SLC6A6: variants seen among roughly 807,000 people sequenced by gnomAD.
The protein encoded by SLC6A6 is sodium- and chloride-dependent taurine transporter.
Under a neutral mutation model 68.8 loss-of-function variants are expected in SLC6A6, and 16 were observed. The ratio of observed to expected loss-of-function variants is 0.23; its 90% CI spans 0.16 to 0.35. The LOEUF (loss-of-function observed/expected upper bound fraction) is 0.35, where lower values mean the gene tolerates loss of function less well. Ranked by LOEUF, SLC6A6 falls within the 10% of genes least tolerant of loss-of-function variation. The pLI is 1.00. For missense variants in SLC6A6, 474 were observed against 802.8 expected (o/e 0.59, Z 4.95); for synonymous variants, 312 against 315.4 (o/e 0.99, Z 0.12).
intron 6 of SLC6A6, among the ~76,000 whole-genome samples, chr3:14,458,370 G>A (rs1000153587): frequency 1.3e-5 from 2 of 152,252 alleles, no homozygotes; most frequent in Admixed American, 6.5e-5. Flanking sequence ...GAGCCTACAC[G>A]AGCTAGCCCC....
chr3:14,439,130 G>A (rs6777336), intron 2 of SLC6A6, among the ~76,000 whole-genome samples: 119,074 of 152,210 alleles, frequency 0.78, 46,956 homozygotes, highest in African/African-American at 0.88. Flanking sequence ...AGCTTTGCTC[G>A]GTGCCGGAGG....
chr3:14,445,787 C>G lies in SLC6A6; in HGVS notation c.300C>G (p.Ile100Met). 6.2e-7 allele frequency: 1 copy of G among 1,614,096 alleles called. No homozygotes were observed. Among genetic ancestry groups the G allele is most frequent in the East Asian group, 2.2e-5 (1 of 44,888 alleles). ...TGCCTGTGTTTTTCTTGGAGATCATCATAGGCCAGTACACCTCTGAAGGGG... is the reference window on the plus strand; with the variant it reads ...TGCCTGTGTTTTTCTTGGAGATCATGATAGGCCAGTACACCTCTGAAGGGG... ...SGLPVFFLEI[I>M]IGQYTSEGGI... Residue 100 changes from isoleucine to methionine, a missense_variant, in exon 4 of 15, where the codon ATC (isoleucine) becomes ATG (methionine). By Grantham distance (10) the Ile-to-Met change is conservative (BLOSUM62 1). Around this residue, in one of 2 missense-constraint regions of SLC6A6, gnomAD observed 280 missense variants for 533.1 expected, o/e 0.53. Coordinates refer to ENST00000622186, the MANE Select transcript of SLC6A6 (RefSeq NM_003043.6).
chr3:14,435,233 C>G (rs1699824991), intron 2 of SLC6A6, among the ~76,000 whole-genome samples: 1 of 152,216 alleles, frequency 6.6e-6, no homozygotes, highest in Admixed American at 6.5e-5. Context: ...CTTCCCCCTT[C>G]TCTGAGCCTC....
At chr3:14,418,997 G>A (rs1699427254) in intron 2 of SLC6A6, among the ~76,000 whole-genome samples, 1 of 152,222 alleles carries the variant, frequency 6.6e-6, no homozygotes, top group Non-Finnish European at 1.5e-5. Flanking sequence ...TGGGAAATGA[G>A]GCTCCTGCTG....
chr3:14,426,856 T>G (rs1699610973), intron 2 of SLC6A6, among the ~76,000 whole-genome samples: 1 of 152,036 alleles, frequency 6.6e-6, no homozygotes, highest in Admixed American at 6.6e-5. Flanking sequence ...CAGGGGAAGG[T>G]GCACCTGAGG....
intron 6 of SLC6A6, among the ~76,000 whole-genome samples, chr3:14,464,458 A>G (rs527823815): frequency 2.0e-5 from 3 of 152,354 alleles, no homozygotes; most frequent in South Asian, 4.1e-4. Context: ...ACGTCACAGC[A>G]TTTGGAACAG....
intron 2 of SLC6A6, among the ~76,000 whole-genome samples, chr3:14,417,083 T>G (rs1699378007): frequency 6.6e-6 from 1 of 152,048 alleles, no homozygotes; most frequent in African/African-American, 2.4e-5. Context: ...CTCCAATCCC[T>G]GCACTTTGGG....
chr3:14,413,062 G>C lies in SLC6A6; in HGVS notation c.-53-3350G>C, dbSNP rs547492258. 3.9e-5 allele frequency among the ~76,000 whole-genome samples: 6 copies of C among 152,326 alleles called. No homozygotes were observed. In the South Asian group the frequency reaches 1.0e-3, roughly 26 times the overall value. On this transcript the variant is annotated intron_variant, in intron 1 of 14. Transcript: ENST00000622186. ...GGATGTAAATCAGGGGAGAGCCCAGGGCTAGCCAGGCTGCTGACAGCAGGG... is the reference window on the plus strand; with the variant it reads ...GGATGTAAATCAGGGGAGAGCCCAGCGCTAGCCAGGCTGCTGACAGCAGGG...
At chr3:14,435,068 C>G (rs1389376449) in intron 2 of SLC6A6, among the ~76,000 whole-genome samples, 1 of 152,246 alleles carries the variant, frequency 6.6e-6, no homozygotes, top group Non-Finnish European at 1.5e-5. Context: ...GTCATCCACT[C>G]TTCCCCAGCA....
intron 1 of SLC6A6, among the ~76,000 whole-genome samples, chr3:14,413,709 G>A (rs554082520): frequency 1.3e-5 from 2 of 151,924 alleles, no homozygotes; most frequent in East Asian, 1.9e-4. Flanking sequence ...GGGGCCGGGG[G>A]TGGGGCTGGG....
At chr3:14,465,285 G>A (rs1700590501) in intron 6 of SLC6A6, among the ~76,000 whole-genome samples, 2 of 152,218 alleles carry the variant, frequency 1.3e-5, no homozygotes, top group Admixed American at 6.5e-5. Context: ...GGAGGAGATG[G>A]CCACATCGTT....
rs1419997343 is a variant in SLC6A6 at position 14,477,491 on chromosome 3, G to C, written c.1347+149G>C. The C allele has an allele frequency of 1.3e-6, 1 of 778,226 alleles. No individual in the cohort carries two copies. Among genetic ancestry groups the C allele is most frequent in the Non-Finnish European group, 2.1e-6 (1 of 481,308 alleles). 48.2% of individuals were successfully genotyped at this position (778,226 alleles called of 1,614,324 possible). ...CAGGGGTCCTGCTTGGACCAACACT[G>C]GGGGTAGCACGAGGGGGCTCAGGAG... On this transcript the variant is annotated intron_variant, in intron 11 of 14. Coordinates refer to ENST00000622186, the MANE Select transcript of SLC6A6 (RefSeq NM_003043.6). The surrounding 1 kb of genome is among the most constrained non-coding windows in gnomAD (Gnocchi z 4.2).
At chr3:14,480,658 A>T (rs1425958667) in intron 13 of SLC6A6, among the ~76,000 whole-genome samples, 1 of 152,228 alleles carries the variant, frequency 6.6e-6, no homozygotes, top group African/African-American at 2.4e-5. Context: ...CTTTAGAAAG[A>T]TGCATCTTCC....
At position 14,443,844 on chromosome 3, in the gene SLC6A6, C is replaced by G; in HGVS notation, c.210C>G (p.Leu70=). 6.2e-7 allele frequency: 1 copy of G among 1,613,336 alleles called. No individual in the cohort carries two copies. The highest frequency in any genetic ancestry group is 1.3e-5 in the African/African-American group (1 of 75,034). The change falls in exon 3 of 15, where the codon CTC becomes CTG. Residue 70 remains leucine, a synonymous_variant. Transcript: ENST00000622186. ...GLGNVWRFPY[L]CYKNGGGAFL... The stretch of plus-strand genomic sequence containing the variant: ...GCAACGTCTGGCGCTTCCCGTACCT[C>G]TGCTACAAGAATGGTGGAGGTGAGC...
chr3:14,462,536 A>G (rs996151117), intron 6 of SLC6A6, among the ~76,000 whole-genome samples: 1 of 152,136 alleles, frequency 6.6e-6, no homozygotes, highest in East Asian at 1.9e-4. Context: ...TGTTTCTACT[A>G]AAAAATACAA....
chr3:14,403,549 G>A (rs1699036767), intron 1 of SLC6A6, among the ~76,000 whole-genome samples: 1 of 152,198 alleles, frequency 6.6e-6, no homozygotes, highest in South Asian at 2.1e-4. Context: ...GCTGAGTGGG[G>A]AGAGGTGATA....
At position 14,485,181 on chromosome 3, in the gene SLC6A6, G is replaced by T; in HGVS notation, c.*174G>T. 3.0e-6 allele frequency: 1 copy of T among 329,928 alleles called. No homozygotes were observed. The highest frequency in any genetic ancestry group is 5.0e-6 in the Non-Finnish European group (1 of 199,974). The allele number at this position is 329,928 out of a possible 1,614,324, so 20.4% of individuals were successfully genotyped here. ...GTGCGTGTGTGTGTGTGTGTGTATC[G>T]TGTGTGTGTGTTTTGTTTTGATTTG... On this transcript the variant is annotated 3_prime_UTR_variant, in exon 15 of 15. Transcript: ENST00000622186.
intron 2 of SLC6A6, among the ~76,000 whole-genome samples, chr3:14,424,914 G>C (rs1699559277): frequency 6.6e-6 from 1 of 152,182 alleles, no homozygotes; most frequent in Non-Finnish European, 1.5e-5. Context: ...GAAGCCGCCT[G>C]TTTGACACAC....
intron 6 of SLC6A6, among the ~76,000 whole-genome samples, chr3:14,464,645 C>T (rs1027301655): frequency 6.6e-6 from 1 of 152,174 alleles, no homozygotes; most frequent in African/African-American, 2.4e-5. Flanking sequence ...GGTCGTGGTG[C>T]CAGCTAGGTG....
Sources: allele counts gnomAD v4.1 joint callset (sites outside exome capture counted in the v4.1 genomes callset), GRCh38; gene constraint gnomAD v4.1.1; regional missense constraint gnomAD v4.1.1; non-coding constraint Gnocchi (gnomAD v3.1); transcripts MANE v1.5; gene names NCBI Gene and HGNC (gene_info 2026-07-23, HGNC 2026-07-21).